AGBL1: variants seen among roughly 807,000 people sequenced by gnomAD.
The protein encoded by AGBL1 is cytosolic carboxypeptidase 4.
AGBL1 carries 130 observed loss-of-function variants against 118.9 expected under a neutral mutation model. That is an observed-to-expected ratio of 1.09 (90% CI 0.95 to 1.26). The LOEUF (loss-of-function observed/expected upper bound fraction) is 1.26. AGBL1 is among the 50% of genes most tolerant of loss of function. AGBL1 has a pLI of 0.00. For synonymous variants in AGBL1, 555 were observed against 478.9 expected, an observed-to-expected ratio of 1.16 and a Z score of -2.08; for missense variants, 1,584 against 1,298.1, an observed-to-expected ratio of 1.22 and a Z score of -3.38.
chr15:86,774,686 G>A (rs1234673222), intron 22 of AGBL1, among the ~76,000 whole-genome samples: 1 of 152,042 alleles, frequency 6.6e-6, no homozygotes, highest in Non-Finnish European at 1.5e-5. Flanking sequence ...GGTACAGTAT[G>A]AGAAAAATTA....
At chr15:86,831,826 T>A (rs1390490143) in intron 22 of AGBL1, among the ~76,000 whole-genome samples, 2 of 152,190 alleles carry the variant, frequency 1.3e-5, no homozygotes, top group Non-Finnish European at 2.9e-5. Context: ...GAAATCTGTG[T>A]GGGGGCTTGC....
At chr15:86,247,994 G>C (rs1458801001) in intron 7 of AGBL1, 115 bp downstream of exon 7, 1 of 1,321,836 alleles carries the variant, frequency 7.6e-7, no homozygotes, top group African/African-American at 1.5e-5. Context: ...ATTTCTTGTT[G>C]CCTGCTAAGG....
chr15:86,752,865 C>A (rs1471379649), intron 22 of AGBL1, among the ~76,000 whole-genome samples: 1 of 151,942 alleles, frequency 6.6e-6, no homozygotes, highest in East Asian at 1.9e-4. Flanking sequence ...AAATCAAGGA[C>A]CCTTGATTAG....
chr15:86,626,840 T>C (rs1405526194), intron 21 of AGBL1, among the ~76,000 whole-genome samples: 21 of 147,928 alleles, frequency 1.4e-4, no homozygotes, highest in African/African-American at 4.9e-4. Context: ...ACTTTTCTTT[T>C]TTTTTTTTTT....
chr15:86,499,386 G>C (rs565562601), intron 18 of AGBL1, among the ~76,000 whole-genome samples: 1 of 151,878 alleles, frequency 6.6e-6, no homozygotes, highest in African/African-American at 2.4e-5. Context: ...TTTGAGAAGG[G>C]TTGGGGTCTG....
At chr15:86,971,871 T>TGTTCTCATGATAGTGA (rs766699508) in intron 23 of AGBL1, among the ~76,000 whole-genome samples, 31 of 151,934 alleles carry the variant, frequency 2.0e-4, no homozygotes, top group Non-Finnish European at 4.4e-4. Flanking sequence ...TCGCCTATGA[T>TGTTCTCATGATAGTGA]GTTCTCATGA....
intron 17 of AGBL1, among the ~76,000 whole-genome samples, chr15:86,328,148 TA>T (rs1423046048): frequency 3.9e-5 from 6 of 152,212 alleles, no homozygotes; most frequent in Non-Finnish European, 8.8e-5. Flanking sequence ...TCTCATTTCC[TA>T]CCTGCTTCCC....
intron 21 of AGBL1, among the ~76,000 whole-genome samples, chr15:86,578,189 G>A (rs1403008232): frequency 1.3e-5 from 2 of 152,158 alleles, no homozygotes; most frequent in African/African-American, 2.4e-5. Flanking sequence ...CCATGGAAAC[G>A]CACCTCTTGC....
At chr15:86,649,094 G>A (rs1236868048) in intron 21 of AGBL1, among the ~76,000 whole-genome samples, 1 of 152,126 alleles carries the variant, frequency 6.6e-6, no homozygotes, top group East Asian at 1.9e-4. Context: ...GTGGAAGAGA[G>A]GCAAGAATTG....
At chr15:86,530,757 A>G (rs1045616163) in intron 19 of AGBL1, among the ~76,000 whole-genome samples, 1 of 146,070 alleles carries the variant, frequency 6.8e-6, no homozygotes, top group East Asian at 2.1e-4. Flanking sequence ...ATAACAAACT[A>G]TCTCTCAGAC....
intron 1 of AGBL1, among the ~76,000 whole-genome samples, chr15:86,086,937 C>T (rs1459756042): frequency 6.6e-6 from 1 of 152,098 alleles, no homozygotes; most frequent in African/African-American, 2.4e-5. Flanking sequence ...CAGTACATGT[C>T]TTTGTGAACA....
intron 21 of AGBL1, among the ~76,000 whole-genome samples, chr15:86,562,077 A>G (rs2083831590): frequency 6.6e-6 from 1 of 152,324 alleles, no homozygotes; most frequent in East Asian, 1.9e-4. Flanking sequence ...GGTTTTCTAA[A>G]TATACAATTA....
intron 5 of AGBL1, among the ~76,000 whole-genome samples, chr15:86,199,612 G>C (rs1047411779): frequency 6.6e-6 from 1 of 152,162 alleles, no homozygotes; most frequent in African/African-American, 2.4e-5. Context: ...ACACTGAACT[G>C]TTACGGAAAT....
intron 3 of AGBL1, among the ~76,000 whole-genome samples, chr15:86,148,683 A>G (rs186261488): frequency 1.2e-4 from 18 of 152,346 alleles, no homozygotes; most frequent in African/African-American, 3.8e-4. Context: ...GGAGAAAGGA[A>G]CCAAGTTGGA....
chr15:86,829,937 T>C (rs143996945), intron 22 of AGBL1, among the ~76,000 whole-genome samples: 2,449 of 152,178 alleles, frequency 0.016, 31 homozygotes, highest in Middle Eastern at 0.048. Flanking sequence ...TTTATTGCAA[T>C]AGCCAAGAAT....
intron 21 of AGBL1, among the ~76,000 whole-genome samples, chr15:86,642,666 A>C (rs1345187668): frequency 6.6e-6 from 1 of 152,046 alleles, no homozygotes; most frequent in Non-Finnish European, 1.5e-5. Context: ...TTACAATCTG[A>C]GTATAAACAC....
Position 86,279,676 on chromosome 15 carries a change from G to A in AGBL1, c.2113G>A (p.Ala705Thr), listed in dbSNP as rs2079316486. The change falls in exon 16 of 23, where the codon GCA becomes ACA. Residue 705 changes from alanine to threonine, a missense_variant. Ala to Thr is a moderately conservative substitution (Grantham distance 58). Transcript: ENST00000614907. ...YRQSTAVAGG[A>T]SGKCYYTLTF... ...CCAGAGTACAGCTGTTGCAGGCGGA[G>A]CATCTGGGAAGTGCTACTATACCCT... 3 of 1,613,496 alleles carry A rather than the reference G, an allele frequency of 1.9e-6. No homozygotes were observed. Among genetic ancestry groups the A allele is most frequent in the South Asian group, 1.1e-5 (1 of 91,074 alleles).
chr15:87,005,133 C>T (rs1356228960), intron 24 of AGBL1, among the ~76,000 whole-genome samples: 3 of 152,146 alleles, frequency 2.0e-5, no homozygotes, highest in African/African-American at 7.2e-5. Context: ...TTTTTTCCTT[C>T]ATTTCAACTT....
In AGBL1 at chr15:86,763,580, T is replaced by C. The variant is rs151250812; in HGVS notation, c.3158+89144T>C. ...CCGATTGCTTGTCATTATTTGACTT[T>C]AAATCTAGGATGTTCCTTTTATGTT... On this transcript the variant is annotated intron_variant, in intron 22 of 22. Coordinates refer to ENST00000614907, the MANE Select transcript of AGBL1 (RefSeq NM_001386094.1). Among the ~76,000 whole-genome samples, 53 of 152,126 alleles carry C rather than the reference T, an allele frequency of 3.5e-4. 1 individual carries two copies. The East Asian group carries it at 0.01, about 30-fold the overall frequency.
Sources: allele counts gnomAD v4.1 joint callset (sites outside exome capture counted in the v4.1 genomes callset), GRCh38; gene constraint gnomAD v4.1.1; transcripts MANE v1.5; gene names NCBI Gene and HGNC (gene_info 2026-07-23, HGNC 2026-07-21).